Variants in NOL4 observed in about 807,000 individuals in gnomAD.
The protein encoded by NOL4 is cancer/testis antigen 125.
In NOL4, 17 loss-of-function variants were observed where a neutral mutation model predicts 75.9. That is an observed-to-expected ratio of 0.22 (90% CI 0.15 to 0.34). NOL4 has a LOEUF of 0.34. NOL4 is among the 10% of genes least tolerant of loss of function. The pLI, the probability that NOL4 is intolerant of heterozygous loss-of-function variation, is 1.00. For missense variants in NOL4, 614 were observed against 793.5 expected, an observed-to-expected ratio of 0.77 and a Z score of 2.72; for synonymous variants, 292 against 289.9, an observed-to-expected ratio of 1.01 and a Z score of -0.07.
intron 9 of NOL4, among the ~76,000 whole-genome samples, chr18:33,913,070 A>T (rs2066501980): frequency 6.6e-6 from 1 of 152,092 alleles, no homozygotes; most frequent in African/African-American, 2.4e-5. Context: ...ATGTATAGGT[A>T]AACTTGTATA....
intron 2 of NOL4, among the ~76,000 whole-genome samples, chr18:34,117,824 C>T (rs1330039424): frequency 6.6e-6 from 1 of 152,172 alleles, no homozygotes; most frequent in Non-Finnish European, 1.5e-5. Flanking sequence ...AGAAGCCATT[C>T]TTGGTCTAAG....
intron 6 of NOL4, among the ~76,000 whole-genome samples, chr18:33,961,959 T>C (rs2070167086): frequency 6.6e-6 from 1 of 152,128 alleles, no homozygotes; most frequent in African/African-American, 2.4e-5. Flanking sequence ...TGGTATCTCC[T>C]ACTTGTTTGC....
chr18:33,888,772 G>A (rs538116625), intron 9 of NOL4, among the ~76,000 whole-genome samples: 1 of 152,112 alleles, frequency 6.6e-6, no homozygotes, highest in East Asian at 1.9e-4. Context: ...TGTTTCCTTT[G>A]TCCATATATC....
At chr18:33,983,421 A>AACCCCAGGGGGCGGAGCC (rs2072146289) in intron 6 of NOL4, among the ~76,000 whole-genome samples, 3 of 148,970 alleles carry the variant, frequency 2.0e-5, no homozygotes, top group African/African-American at 7.8e-5. Flanking sequence ...AAGAGTTGGT[A>AACCCCAGGGGGCGGAGCC]TGTGCATGTG....
intron 1 of NOL4, among the ~76,000 whole-genome samples, chr18:34,193,532 CAAT>C (rs1261882087): frequency 6.6e-6 from 1 of 152,014 alleles, no homozygotes. Flanking sequence ...TTTTAAACCA[CAAT>C]GATATATCAT....
At chr18:34,134,223 T>C (rs1432954963) in intron 1 of NOL4, among the ~76,000 whole-genome samples, 1 of 152,110 alleles carries the variant, frequency 6.6e-6, no homozygotes, top group Admixed American at 6.6e-5. Context: ...AAAATATAGC[T>C]ATATAAAATT....
chr18:33,893,201 A>G (rs2065201713), intron 9 of NOL4, among the ~76,000 whole-genome samples: 1 of 152,154 alleles, frequency 6.6e-6, no homozygotes, highest in Non-Finnish European at 1.5e-5. Flanking sequence ...ATCAATATGC[A>G]TTTCATATAT....
At chr18:34,030,882 T>C (rs2075605854) in intron 5 of NOL4, among the ~76,000 whole-genome samples, 1 of 152,076 alleles carries the variant, frequency 6.6e-6, no homozygotes, top group African/African-American at 2.4e-5. Context: ...GATTATTTAC[T>C]CTATTGCTTA....
Position 34,156,252 on chromosome 18 carries a change from T to C in NOL4, c.265-26232A>G, listed in dbSNP as rs540546681. Reference sequence around the variant, plus strand: ...TTACTGAGACTTGCCATATACTGTGTGTTATATGCATTATTTAATCCCCAT... The same window carrying C: ...TTACTGAGACTTGCCATATACTGTGCGTTATATGCATTATTTAATCCCCAT... On this transcript the variant is annotated intron_variant, in intron 1 of 10. Transcript: ENST00000261592. Among the ~76,000 whole-genome samples the C allele has an allele frequency of 1.6e-4, 25 of 152,314 alleles. No individual in the cohort carries two copies. The South Asian group carries it at 4.8e-3, about 29-fold the overall frequency.
intron 10 of NOL4, among the ~76,000 whole-genome samples, chr18:33,882,258 G>A (rs2064333893): frequency 6.6e-6 from 1 of 152,110 alleles, no homozygotes; most frequent in African/African-American, 2.4e-5. Flanking sequence ...TACCATCAGA[G>A]TGAACAGGCA....
intron 1 of NOL4, among the ~76,000 whole-genome samples, chr18:34,154,241 A>T (rs912349601): frequency 1.3e-5 from 2 of 152,072 alleles, no homozygotes; most frequent in Admixed American, 6.6e-5. Context: ...TCTTTAAAAA[A>T]ATAATTGAAA....
intron 9 of NOL4, among the ~76,000 whole-genome samples, chr18:33,935,034 A>G (rs2067968283): frequency 6.6e-6 from 1 of 151,846 alleles, no homozygotes; most frequent in African/African-American, 2.4e-5. Context: ...AATCTTTTAA[A>G]AAACATTTTT....
intron 9 of NOL4, among the ~76,000 whole-genome samples, chr18:33,893,869 T>C (rs544734533): frequency 6.6e-6 from 1 of 152,254 alleles, no homozygotes; most frequent in African/African-American, 2.4e-5. Flanking sequence ...TAAAGAGCCT[T>C]AAACTGAACT....
intron 6 of NOL4, among the ~76,000 whole-genome samples, chr18:34,004,621 G>C (rs1363178618): frequency 6.6e-6 from 1 of 152,000 alleles, no homozygotes; most frequent in Non-Finnish European, 1.5e-5. Context: ...TTGCAATAAA[G>C]ATCATTCTCT....
chr18:34,110,665 T>C (rs1210815685), intron 2 of NOL4, among the ~76,000 whole-genome samples: 2 of 152,140 alleles, frequency 1.3e-5, no homozygotes. Flanking sequence ...TTCAATATGG[T>C]ACTAGAAGTC....
chr18:33,984,580 G>C (rs1329381298), intron 6 of NOL4, among the ~76,000 whole-genome samples: 1 of 152,038 alleles, frequency 6.6e-6, no homozygotes, highest in African/African-American at 2.4e-5. Context: ...TTGGAAGTGT[G>C]TGGTACCTCC....
chr18:33,948,065 T>C (rs1195189530), intron 8 of NOL4, among the ~76,000 whole-genome samples: 1 of 151,908 alleles, frequency 6.6e-6, no homozygotes, highest in African/African-American at 2.4e-5. Flanking sequence ...CACAGGATTT[T>C]TGCAATTACA....
chr18:33,961,031 A>C (rs140753422), intron 6 of NOL4, among the ~76,000 whole-genome samples: 4 of 152,150 alleles, frequency 2.6e-5, no homozygotes, highest in African/African-American at 9.6e-5. Context: ...AGCATCTTAA[A>C]ATTTACATGG....
chr18:34,109,318 C>A (rs138452218), intron 2 of NOL4, among the ~76,000 whole-genome samples: 1 of 151,762 alleles, frequency 6.6e-6, no homozygotes, highest in African/African-American at 2.4e-5. Flanking sequence ...TGAAACAAGC[C>A]TGGGTAATAT....
Sources: allele counts gnomAD v4.1 joint callset (sites outside exome capture counted in the v4.1 genomes callset), GRCh38; gene constraint gnomAD v4.1.1; transcripts MANE v1.5; gene names NCBI Gene and HGNC (gene_info 2026-07-23, HGNC 2026-07-21).